Variants in ADAMTS2 observed in about 807,000 individuals in gnomAD.
ADAMTS2 encodes the protein A disintegrin and metalloproteinase with thrombospondin motifs 2.
In ADAMTS2, 50 loss-of-function variants were observed where a neutral mutation model predicts 123.0. The ratio of observed to expected loss-of-function variants is 0.41; its 90% CI spans 0.32 to 0.51. ADAMTS2 has a LOEUF of 0.51. Ranked by LOEUF, ADAMTS2 falls within the 20% of genes least tolerant of loss-of-function variation. The pLI is 0.35. For missense variants in ADAMTS2, 1,494 were observed against 1,705.2 expected (o/e 0.88, Z 2.18); for synonymous variants, 678 against 695.4 (o/e 0.98, Z 0.39).
Position 179,188,572 on chromosome 5 carries a change from C to T in ADAMTS2, c.892-7417G>A, listed in dbSNP as rs1045525738. ...GCTTCAGAGGGAATGCTAGAAGAAA[C>T]GTGACTCTTGCTCAAAATATCAAAC... On this transcript the variant is annotated intron_variant, in intron 4 of 21. Transcript: ENST00000251582. The surrounding 1 kb of genome is among the most constrained non-coding windows in gnomAD (Gnocchi z 5.1). Among the ~76,000 whole-genome samples the T allele has an allele frequency of 2.0e-5, 3 of 152,146 alleles. No individual in the cohort carries two copies. The highest frequency in any genetic ancestry group is 4.8e-5 in the African/African-American group (2 of 41,436).
At chr5:179,134,265 G>A (rs1763014781) in intron 13 of ADAMTS2, among the ~76,000 whole-genome samples, 1 of 152,164 alleles carries the variant, frequency 6.6e-6, no homozygotes, top group Admixed American at 6.5e-5. Context: ...ACCTCCCAGG[G>A]GTATCCAGTT....
chr5:179,125,231 C>T (rs1762833798), intron 18 of ADAMTS2, 51 bp from the exon 19 acceptor site: 2 of 1,572,310 alleles, frequency 1.3e-6, no homozygotes, highest in Admixed American at 1.7e-5. Flanking sequence ...CCTGGAGAAC[C>T]TGCCTGGCTG....
At chr5:179,275,335 T>C (rs905229720) in intron 2 of ADAMTS2, among the ~76,000 whole-genome samples, 2 of 151,334 alleles carry the variant, frequency 1.3e-5, no homozygotes, top group African/African-American at 4.9e-5. Context: ...GGACAGGACG[T>C]GGTAGGGTAG....
chr5:179,127,048 A>T (rs1762873105), intron 17 of ADAMTS2, among the ~76,000 whole-genome samples: 1 of 152,194 alleles, frequency 6.6e-6, no homozygotes, highest in Admixed American at 6.5e-5. Flanking sequence ...AGAGCAGAGG[A>T]AGCTGTTGAA....
At chr5:179,205,480 C>A (rs374001436) in intron 4 of ADAMTS2, among the ~76,000 whole-genome samples, 2 of 152,232 alleles carry the variant, frequency 1.3e-5, no homozygotes, top group Non-Finnish European at 2.9e-5. Context: ...GCTCAGAGGA[C>A]GGGAGCAGCG....
At position 179,130,174 on chromosome 5, in the gene ADAMTS2, G is replaced by A. The variant is rs575388148; in HGVS notation, c.2291-76C>T. 40 of 1,577,376 alleles carry A rather than the reference G, an allele frequency of 2.5e-5. No homozygotes were observed. The South Asian group carries it at 2.9e-4, about 12-fold the overall frequency. On this transcript the variant is annotated intron_variant, in intron 15 of 21. Coordinates refer to ENST00000251582, the MANE Select transcript of ADAMTS2 (RefSeq NM_014244.5). The surrounding 1 kb of genome is among the most constrained non-coding windows in gnomAD (Gnocchi z 4.3). ...CCAGGCCCACTGGTTTGGGCTGGTCGGGGAGTGGGGGCAGCTAGCTGGACC... is the reference window on the plus strand; with the variant it reads ...CCAGGCCCACTGGTTTGGGCTGGTCAGGGAGTGGGGGCAGCTAGCTGGACC...
At chr5:179,165,523 G>T (rs571892048) in intron 5 of ADAMTS2, among the ~76,000 whole-genome samples, 1 of 152,148 alleles carries the variant, frequency 6.6e-6, no homozygotes, top group East Asian at 1.9e-4. Flanking sequence ...TGTGCTGAGG[G>T]GGGGACCAGG....
At chr5:179,159,693 C>A (rs1763559911) in intron 5 of ADAMTS2, among the ~76,000 whole-genome samples, 1 of 152,144 alleles carries the variant, frequency 6.6e-6, no homozygotes, top group African/African-American at 2.4e-5. Context: ...CCCATTTAGA[C>A]TTCAGGACTA....
In ADAMTS2 at chr5:179,262,382, G is replaced by A. The variant is rs976791380; in HGVS notation, c.688+10529C>T. On this transcript the variant is annotated intron_variant, in intron 3 of 21. Coordinates refer to ENST00000251582, the MANE Select transcript of ADAMTS2 (RefSeq NM_014244.5). The surrounding 1 kb of genome is among the most constrained non-coding windows in gnomAD (Gnocchi z 5.9). Reference sequence around the variant, plus strand: ...CTGCCTCCACCGCCATCTGTCACCGGGACTCCTCCCTGCTTCCACACCGTC... The same window carrying A: ...CTGCCTCCACCGCCATCTGTCACCGAGACTCCTCCCTGCTTCCACACCGTC... Among the ~76,000 whole-genome samples, 16 of 151,608 alleles carry A rather than the reference G, an allele frequency of 1.1e-4. No individual in the cohort carries two copies. Among genetic ancestry groups the A allele is most frequent in the African/African-American group, 3.6e-4 (15 of 41,198 alleles).
chr5:179,345,178 G>T lies in ADAMTS2; in HGVS notation c.139+12C>A. ...CGGGGGTCCCGGGGAGTAGGGGCCG[G>T]GCCGCACCTACCTGGGGGGTCGGCG... On this transcript the variant is annotated intron_variant, in intron 1 of 21. Transcript: ENST00000251582. This position sits in a 1 kb window ranked among gnomAD's most constrained non-coding sequence, Gnocchi z 7.5. The T allele has an allele frequency of 9.1e-7, 1 of 1,102,422 alleles. No individual in the cohort carries two copies. The highest frequency in any genetic ancestry group is 1.1e-6 in the Non-Finnish European group (1 of 909,158). 68.3% of individuals were successfully genotyped at this position (1,102,422 alleles called of 1,614,324 possible).
chr5:179,292,141 C>T (rs571376178), intron 2 of ADAMTS2, among the ~76,000 whole-genome samples: 1 of 152,060 alleles, frequency 6.6e-6, no homozygotes, highest in South Asian at 2.1e-4. Context: ...ATTAATGAAG[C>T]ACGGTAACCA....
intron 3 of ADAMTS2, among the ~76,000 whole-genome samples, chr5:179,261,926 A>T (rs1401548453): frequency 2.0e-5 from 3 of 152,194 alleles, no homozygotes; most frequent in Non-Finnish European, 4.4e-5. Context: ...CGCCCCACAG[A>T]GCACAGCCTC....
chr5:179,169,707 A>G (rs1763777947), intron 5 of ADAMTS2, among the ~76,000 whole-genome samples: 1 of 151,796 alleles, frequency 6.6e-6, no homozygotes. Flanking sequence ...TGGCTGGGCC[A>G]CTCTAAATCC....
At chr5:179,209,842 C>T (rs988716106) in intron 3 of ADAMTS2, among the ~76,000 whole-genome samples, 10 of 152,316 alleles carry the variant, frequency 6.6e-5, no homozygotes, top group South Asian at 4.1e-4. Flanking sequence ...AGAGACAGCT[C>T]ACCTTCAGAA....
chr5:179,322,209 G>T (rs549126125), intron 2 of ADAMTS2, among the ~76,000 whole-genome samples: 1 of 152,320 alleles, frequency 6.6e-6, no homozygotes, highest in South Asian at 2.1e-4. Flanking sequence ...ACAAAAAGTT[G>T]CCAGCCATCG....
Position 179,113,811 on chromosome 5 carries a change from A to G in ADAMTS2, c.*56T>C. ...TCCATGACACAGGATTTGCTATCCC[A>G]TGGAATATCTCTATAAGCAAGAAAA... is the stretch of plus-strand genomic sequence containing the variant. On this transcript the variant is annotated 3_prime_UTR_variant, in exon 22 of 22. Coordinates refer to ENST00000251582, the MANE Select transcript of ADAMTS2 (RefSeq NM_014244.5). 1 of 1,552,050 alleles carries G rather than the reference A, an allele frequency of 6.4e-7. No individual in the cohort carries two copies.
Position 179,307,422 on chromosome 5 carries a change from C to T in ADAMTS2, c.535-34358G>A, listed in dbSNP as rs1252881277. Among the ~76,000 whole-genome samples, 2 of 152,170 alleles carry T rather than the reference C, an allele frequency of 1.3e-5. No individual in the cohort carries two copies. Among genetic ancestry groups the T allele is most frequent in the African/African-American group, 2.4e-5 (1 of 41,444 alleles). ...CTCTGCCCATGAGCATTCAACAGCCCGGTCCGGGGGGCACCACCACGCAGG... is the reference window on the plus strand; with the variant it reads ...CTCTGCCCATGAGCATTCAACAGCCTGGTCCGGGGGGCACCACCACGCAGG... On this transcript the variant is annotated intron_variant, in intron 2 of 21. Coordinates refer to ENST00000251582, the MANE Select transcript of ADAMTS2 (RefSeq NM_014244.5). The surrounding 1 kb of genome is among the most constrained non-coding windows in gnomAD (Gnocchi z 5.6).
At chr5:179,302,416 G>A (rs1438519954) in intron 2 of ADAMTS2, among the ~76,000 whole-genome samples, 1 of 148,316 alleles carries the variant, frequency 6.7e-6, no homozygotes, top group African/African-American at 2.5e-5. Context: ...AAGCGGGGGA[G>A]TGATAAGGCC....
intron 2 of ADAMTS2, among the ~76,000 whole-genome samples, chr5:179,341,996 C>T (rs572000083): frequency 6.6e-6 from 1 of 152,298 alleles, no homozygotes; most frequent in Non-Finnish European, 1.5e-5. Flanking sequence ...ATTCAAACAG[C>T]CCCCCAGGAG....
Sources: gnomAD v4.1 joint callset for allele counts (sites outside exome capture counted in the v4.1 genomes callset) on GRCh38, gnomAD v4.1.1 for gene constraint, Gnocchi (gnomAD v3.1) non-coding constraint, MANE v1.5 for transcripts, NCBI Gene and HGNC (gene_info 2026-07-23, HGNC 2026-07-21) for gene names.